Variants in HACD2 observed in about 807,000 individuals in gnomAD.
HACD2 encodes the protein very-long-chain (3R)-3-hydroxyacyl-CoA dehydratase 2.
Under a neutral mutation model 31.0 loss-of-function variants are expected in HACD2, and 15 were observed. The observed-to-expected ratio is 0.48, with a 90% CI of 0.32 to 0.75. The LOEUF (loss-of-function observed/expected upper bound fraction) is 0.75. HACD2 is among the 30% of genes least tolerant of loss of function. The pLI is 0.03. For missense variants in HACD2, 283 were observed against 313.0 expected (o/e 0.90, Z 0.72); for synonymous variants, 115 against 122.2 (o/e 0.94, Z 0.39).
rs1377255835 is a variant in HACD2, at chr3:123,500,591, G to A, written c.606C>T (p.Ile202=). The A allele has an allele frequency of 6.2e-7, 1 of 1,612,280 alleles. No homozygotes were observed. Among genetic ancestry groups the A allele is most frequent in the Admixed American group, 1.7e-5 (1 of 59,994 alleles). Residue 202 remains isoleucine, a synonymous_variant, in exon 6 of 7, where the codon ATC becomes ATT. Transcript: ENST00000383657. ...AGAAATTGTATTTGTTGGGTAAACTGATGGAATATAGGCCAGCTTGTCTGA... is the reference window on the plus strand; with the variant it reads ...AGAAATTGTATTTGTTGGGTAAACTAATGGAATATAGGCCAGCTTGTCTGA... The part of the protein sequence containing the change: ...PFVRQAGLYS[I]SLPNKYNFSF...
At chr3:123,577,305 G>C (rs767774648) in intron 2 of HACD2, among the ~76,000 whole-genome samples, 3 of 152,116 alleles carry the variant, frequency 2.0e-5, no homozygotes, top group Admixed American at 1.3e-4. Context: ...CAATCACAGA[G>C]GCATATCCAA....
chr3:123,535,644 A>T (rs2056416443), intron 3 of HACD2, among the ~76,000 whole-genome samples: 1 of 152,236 alleles, frequency 6.6e-6, no homozygotes, highest in Non-Finnish European at 1.5e-5. Flanking sequence ...ATAGAGTGTG[A>T]CAGAACTGGA....
chr3:123,532,728 C>G (rs1299224329), intron 3 of HACD2, among the ~76,000 whole-genome samples: 1 of 147,170 alleles, frequency 6.8e-6, no homozygotes, highest in Non-Finnish European at 1.5e-5. Flanking sequence ...CCCAGCTACT[C>G]GGGAGGCTGA....
intron 2 of HACD2, among the ~76,000 whole-genome samples, chr3:123,570,708 A>G (rs1462216751): frequency 3.9e-5 from 6 of 152,108 alleles, no homozygotes. Context: ...TCCTATTGAG[A>G]CATACAATCA....
chr3:123,559,343 G>A (rs2056703563), intron 3 of HACD2, among the ~76,000 whole-genome samples: 1 of 152,132 alleles, frequency 6.6e-6, no homozygotes, highest in Admixed American at 6.5e-5. Context: ...AATTTATCTA[G>A]AGGGAAAAAG....
chr3:123,550,075 G>A (rs2056602207), intron 3 of HACD2, among the ~76,000 whole-genome samples: 1 of 152,164 alleles, frequency 6.6e-6, no homozygotes, highest in Non-Finnish European at 1.5e-5. Flanking sequence ...TTGAGAGGCT[G>A]AGGCAGGAGA....
intron 3 of HACD2, among the ~76,000 whole-genome samples, chr3:123,548,211 A>G (rs537487295): frequency 1.3e-5 from 2 of 152,124 alleles, no homozygotes; most frequent in Admixed American, 1.3e-4. Context: ...AACAAGCAGA[A>G]GTAATGGTAT....
intron 4 of HACD2, among the ~76,000 whole-genome samples, chr3:123,509,421 A>G (rs1028542359): frequency 1.3e-5 from 2 of 151,956 alleles, no homozygotes; most frequent in African/African-American, 4.8e-5. Flanking sequence ...ACTATTATAA[A>G]TTGCAGGCTA....
chr3:123,564,298 A>G (rs2056768441), intron 3 of HACD2, among the ~76,000 whole-genome samples: 1 of 152,234 alleles, frequency 6.6e-6, no homozygotes, highest in South Asian at 2.1e-4. Flanking sequence ...ATCTCATGCC[A>G]TGAGAAGAGA....
intron 4 of HACD2, among the ~76,000 whole-genome samples, chr3:123,526,184 G>C (rs1217936542): frequency 2.0e-5 from 3 of 152,026 alleles, no homozygotes; most frequent in Non-Finnish European, 2.9e-5. Flanking sequence ...CACAGCAACA[G>C]GCTTTTCAAG....
intron 3 of HACD2, among the ~76,000 whole-genome samples, chr3:123,540,072 A>T (rs1036602789): frequency 1.3e-5 from 2 of 149,518 alleles, no homozygotes; most frequent in Non-Finnish European, 3.0e-5. Flanking sequence ...GGACGGAGTG[A>T]GACCCTGTCT....
At chr3:123,552,790 A>G (rs1322922765) in intron 3 of HACD2, among the ~76,000 whole-genome samples, 1 of 152,192 alleles carries the variant, frequency 6.6e-6, no homozygotes, top group Non-Finnish European at 1.5e-5. Flanking sequence ...CAGTAAAAAA[A>G]AGAAAAAGAT....
chr3:123,500,672 C>T lies in HACD2; in HGVS notation c.525G>A (p.Leu175=), dbSNP rs568353232. The stretch of plus-strand genomic sequence containing the variant: ...GTTCTCCTGACACTCCCATTGGGTA[C>T]AGCACAATGAAAAGTGTGTACCTAA... The part of the protein sequence containing the change: ...KWARYTLFIV[L]YPMGVSGELL... Residue 175 remains leucine, a synonymous_variant, in exon 6 of 7, where the codon CTG becomes CTA. Coordinates refer to ENST00000383657, the MANE Select transcript of HACD2 (RefSeq NM_198402.5). 1.2e-6 allele frequency: 2 copies of T among 1,603,700 alleles called. No homozygotes were observed. The highest frequency in any genetic ancestry group is 1.8e-5 in the Admixed American group (1 of 56,852).
intron 5 of HACD2, among the ~76,000 whole-genome samples, chr3:123,501,455 T>G (rs1168467003): frequency 1.3e-5 from 2 of 152,204 alleles, no homozygotes; most frequent in African/African-American, 4.8e-5. Context: ...TAAACAGCCT[T>G]TGGCTGTTTG....
At chr3:123,507,995 T>A (rs925660443) in intron 4 of HACD2, among the ~76,000 whole-genome samples, 1 of 148,404 alleles carries the variant, frequency 6.7e-6, no homozygotes, top group East Asian at 1.9e-4. Flanking sequence ...ACCCCCCCTC[T>A]CTTAAAAAAA....
chr3:123,503,878 T>C (rs1037569502), intron 4 of HACD2, among the ~76,000 whole-genome samples: 7 of 152,244 alleles, frequency 4.6e-5, no homozygotes, highest in African/African-American at 1.4e-4. Flanking sequence ...CCATTTGCAA[T>C]GTTAATAGTT....
intron 4 of HACD2, among the ~76,000 whole-genome samples, chr3:123,527,254 T>A (rs929740429): frequency 1.3e-5 from 2 of 152,244 alleles, no homozygotes; most frequent in Non-Finnish European, 2.9e-5. Context: ...ATCGCAGTCC[T>A]TGCTTATCTG....
chr3:123,504,648 C>T (rs2055950161), intron 4 of HACD2, among the ~76,000 whole-genome samples: 1 of 152,142 alleles, frequency 6.6e-6, no homozygotes. Flanking sequence ...GCCAAAAGAA[C>T]TATGACAAAC....
rs73857666 is a variant in HACD2, at chr3:123,551,265, A to C, written c.292+16497T>G. ...TTAAGGGCAGGTGTGGGTCAGACTGAGTTTTGTATCCTCAGTGCTTTGTCA... is the reference window on the plus strand; with the variant it reads ...TTAAGGGCAGGTGTGGGTCAGACTGCGTTTTGTATCCTCAGTGCTTTGTCA... On this transcript the variant is annotated intron_variant, in intron 3 of 6. Coordinates refer to ENST00000383657, the MANE Select transcript of HACD2 (RefSeq NM_198402.5). 6.0e-3 allele frequency among the ~76,000 whole-genome samples: 907 copies of C among 152,124 alleles called. 9 individuals are homozygous for C. Among genetic ancestry groups the C allele is most frequent in the African/African-American group, 0.021 (881 of 41,476 alleles).
Sources: gnomAD v4.1 joint callset for allele counts (sites outside exome capture counted in the v4.1 genomes callset) on GRCh38, gnomAD v4.1.1 for gene constraint, MANE v1.5 for transcripts, NCBI Gene and HGNC (gene_info 2026-07-23, HGNC 2026-07-21) for gene names.